EYS: variants seen among roughly 807,000 people sequenced by gnomAD.
EYS encodes the protein EGF-like photoreceptor maintenance factor.
EYS carries 250 observed loss-of-function variants against 282.1 expected under a neutral mutation model. That is an observed-to-expected ratio of 0.89 (90% CI 0.80 to 0.98). The LOEUF (loss-of-function observed/expected upper bound fraction) is 0.98. Among genes scored for constraint, EYS ranks in the 50% least tolerant of loss-of-function variants. The pLI, the probability that EYS is intolerant of heterozygous loss-of-function variation, is 0.00. For synonymous variants in EYS, 1,355 were observed against 1,282.9 expected, an observed-to-expected ratio of 1.06 and a Z score of -1.20; for missense variants, 4,016 against 3,709.0, an observed-to-expected ratio of 1.08 and a Z score of -2.15.
chr6:65,330,776 A>G lies in EYS; in HGVS notation c.1766+4204T>C, dbSNP rs1769766698. 3.1e-6 allele frequency: 3 copies of G among 962,208 alleles called. No homozygotes were observed. In the South Asian group the frequency reaches 1.4e-4, roughly 46 times the overall value. 59.6% of individuals were successfully genotyped at this position (962,208 alleles called of 1,614,324 possible). ...CCCGAAATCACAAAGATATTTTTCT[A>G]CATTTCTTTCATTTATATCGTCATT... On this transcript the variant is annotated intron_variant, in intron 11 of 42. Coordinates refer to ENST00000503581, the MANE Select transcript of EYS (RefSeq NM_001142800.2).
intron 12 of EYS, among the ~76,000 whole-genome samples, chr6:65,250,848 G>C (rs1024354131): frequency 6.6e-6 from 1 of 151,538 alleles, no homozygotes; most frequent in Non-Finnish European, 1.5e-5. Flanking sequence ...CCGTAAGTTA[G>C]AATTTGCTTC....
chr6:64,493,558 T>C lies in EYS; in HGVS notation c.5645-54206A>G, dbSNP rs146036063. 3.0e-3 allele frequency among the ~76,000 whole-genome samples: 458 copies of C among 151,712 alleles called. 3 individuals are homozygous for C. Among genetic ancestry groups the C allele is most frequent in the African/African-American group, 0.01 (428 of 41,486 alleles). ...GAATTTTTCTAACCTCCTGCAGTCT[T>C]TCTATATCAGTAGGTCCCCTTCAGT... On this transcript the variant is annotated intron_variant, in intron 26 of 42. Coordinates refer to ENST00000503581, the MANE Select transcript of EYS (RefSeq NM_001142800.2).
intron 31 of EYS, among the ~76,000 whole-genome samples, chr6:64,207,996 G>GTAC (rs1265065477): frequency 6.6e-6 from 1 of 152,120 alleles, no homozygotes; most frequent in East Asian, 1.9e-4. Flanking sequence ...TTATATAGCT[G>GTAC]ATGCAAGCAT....
chr6:64,866,491 A>G (rs1766429185), intron 19 of EYS, among the ~76,000 whole-genome samples: 1 of 151,852 alleles, frequency 6.6e-6, no homozygotes, highest in Admixed American at 6.6e-5. Flanking sequence ...TTTATTATTT[A>G]TTCAACAGCC....
At chr6:64,571,874 T>C (rs1376132208) in intron 26 of EYS, among the ~76,000 whole-genome samples, 2 of 152,146 alleles carry the variant, frequency 1.3e-5, no homozygotes, top group Non-Finnish European at 2.9e-5. Flanking sequence ...CCATTCCTTC[T>C]GAAACTATTG....
chr6:64,954,873 A>C (rs1769638798), intron 14 of EYS, among the ~76,000 whole-genome samples: 1 of 152,198 alleles, frequency 6.6e-6, no homozygotes, highest in South Asian at 2.1e-4. Context: ...ACTGAAAAAC[A>C]AATCAAAAAC....
intron 12 of EYS, among the ~76,000 whole-genome samples, chr6:65,180,008 C>A (rs1308599630): frequency 6.6e-6 from 1 of 152,062 alleles, no homozygotes; most frequent in East Asian, 1.9e-4. Context: ...ATTCAACAAC[C>A]TTCATGCTAA....
intron 28 of EYS, among the ~76,000 whole-genome samples, chr6:64,402,067 C>CCCA (rs1429124991): frequency 6.6e-6 from 1 of 152,080 alleles, no homozygotes; most frequent in Non-Finnish European, 1.5e-5. Flanking sequence ...TGGCCCTTTG[C>CCCA]TGAATCCTGT....
At chr6:65,538,572 A>C (rs988989336) in intron 2 of EYS, among the ~76,000 whole-genome samples, 3 of 152,116 alleles carry the variant, frequency 2.0e-5, no homozygotes, top group Non-Finnish European at 2.9e-5. Context: ...AGTATCTCCC[A>C]AAAAAAGTAG....
At chr6:64,353,650 A>C (rs1771723471) in intron 29 of EYS, among the ~76,000 whole-genome samples, 1 of 151,652 alleles carries the variant, frequency 6.6e-6, no homozygotes, top group South Asian at 2.1e-4. Flanking sequence ...AAGCATATTA[A>C]ATTATCAAAC....
At chr6:63,729,822 T>A (rs1768737519) in intron 41 of EYS, among the ~76,000 whole-genome samples, 1 of 152,172 alleles carries the variant, frequency 6.6e-6, no homozygotes, top group Non-Finnish European at 1.5e-5. Flanking sequence ...CCATAGCCCA[T>A]CTCTCTTCTT....
Position 63,778,205 on chromosome 6 carries a change from G to A in EYS, c.7724-25C>T, listed in dbSNP as rs115940573. 6.1e-5 allele frequency: 95 copies of A among 1,547,592 alleles called. 3 individuals carry two copies. The African/African-American group carries it at 1.2e-3, about 19-fold the overall frequency. On this transcript the variant is annotated intron_variant, in intron 39 of 42. Transcript: ENST00000503581. The stretch of plus-strand genomic sequence containing the variant: ...CCTTGAAGAAATGCAAAAACACTTC[G>A]TGTTAACAAACAGAAGAAATAGAAA...
intron 26 of EYS, among the ~76,000 whole-genome samples, chr6:64,564,457 AT>A: frequency 6.7e-6 from 1 of 150,102 alleles, no homozygotes; most frequent in Non-Finnish European, 1.5e-5. Flanking sequence ...TTTTATTATT[AT>A]TTTTAATAGA....
At chr6:63,871,594 G>A (rs940550007) in intron 35 of EYS, among the ~76,000 whole-genome samples, 3 of 152,074 alleles carry the variant, frequency 2.0e-5, no homozygotes, top group Admixed American at 1.3e-4. Flanking sequence ...CCCAGGAGGT[G>A]GAGGTTTCAG....
Position 65,506,754 on chromosome 6 carries a change from G to A in EYS, c.-332-10761C>T, listed in dbSNP as rs1325170081. 2.0e-5 allele frequency among the ~76,000 whole-genome samples: 3 copies of A among 151,726 alleles called. No homozygotes were observed. In the East Asian group the frequency reaches 5.8e-4, roughly 29 times the overall value. ...CACAAAGTGCTGGGATTACAGGCAT[G>A]AGCCATCACACCCAGTCACAATATC... On this transcript the variant is annotated intron_variant, in intron 2 of 42. Transcript: ENST00000503581.
At chr6:65,337,150 A>G (rs1770018577) in intron 10 of EYS, among the ~76,000 whole-genome samples, 1 of 151,522 alleles carries the variant, frequency 6.6e-6, no homozygotes, top group Middle Eastern at 3.2e-3. Context: ...ATTAGAATCA[A>G]ATGAGAATCT....
At chr6:65,185,552 C>T (rs1176882205) in intron 12 of EYS, among the ~76,000 whole-genome samples, 3 of 151,742 alleles carry the variant, frequency 2.0e-5, no homozygotes, top group South Asian at 2.1e-4. Context: ...GGTAGAATTA[C>T]GATCATAAAT....
At chr6:65,616,539 G>C (rs1766203887) in intron 2 of EYS, among the ~76,000 whole-genome samples, 1 of 152,050 alleles carries the variant, frequency 6.6e-6, no homozygotes, top group African/African-American at 2.4e-5. Flanking sequence ...TGTAATCCTA[G>C]CACTTTGGGA....
intron 10 of EYS, 56 bp from the exon 11 acceptor site, chr6:65,335,202 T>A: frequency 8.1e-7 from 1 of 1,230,862 alleles, no homozygotes; most frequent in Non-Finnish European, 1.2e-6. Context: ...ACTACAATAT[T>A]ACAATTGTGA....
Sources: gnomAD v4.1 joint callset for allele counts (sites outside exome capture counted in the v4.1 genomes callset) on GRCh38, gnomAD v4.1.1 for gene constraint, MANE v1.5 for transcripts, NCBI Gene and HGNC (gene_info 2026-07-23, HGNC 2026-07-21) for gene names.